Variants in STAG1 observed in about 807,000 individuals in gnomAD.
STAG1 encodes cohesin subunit SA-1.
In STAG1, 26 loss-of-function variants were observed where a neutral mutation model predicts 170.9. The observed-to-expected ratio is 0.15, with a 90% CI of 0.11 to 0.21. The LOEUF (loss-of-function observed/expected upper bound fraction) is 0.21. Ranked by LOEUF, STAG1 falls within the 10% of genes least tolerant of loss-of-function variation. The pLI is 1.00. For missense variants in STAG1, 964 were observed against 1,509.5 expected (o/e 0.64, Z 5.99); for synonymous variants, 514 against 497.7 (o/e 1.03, Z -0.44).
intron 23 of STAG1, among the ~76,000 whole-genome samples, chr3:136,374,788 G>A (rs1937518752): frequency 6.6e-6 from 1 of 152,044 alleles, no homozygotes; most frequent in African/African-American, 2.4e-5. Flanking sequence ...AATTAATTTA[G>A]TATAGTCTAA....
At chr3:136,659,437 T>G (rs1208706804) in intron 1 of STAG1, among the ~76,000 whole-genome samples, 1 of 152,210 alleles carries the variant, frequency 6.6e-6, no homozygotes, top group Non-Finnish European at 1.5e-5. Context: ...CAGCCAATCA[T>G]GTAAGCTGAG....
Position 136,344,802 on chromosome 3 carries a change from C to T in STAG1, c.3272-796G>A, listed in dbSNP as rs372276067. On this transcript the variant is annotated intron_variant, in intron 29 of 33. Coordinates refer to ENST00000383202, the MANE Select transcript of STAG1 (RefSeq NM_005862.3). Reference sequence around the variant, plus strand: ...CTCATTTTTATATTTTTAGGAGAGACGGGGTATCATTATGTTGGCCAGTCT... The same window carrying T: ...CTCATTTTTATATTTTTAGGAGAGATGGGGTATCATTATGTTGGCCAGTCT... 2.6e-5 allele frequency among the ~76,000 whole-genome samples: 4 copies of T among 151,176 alleles called. No individual in the cohort carries two copies. The East Asian group carries it at 7.8e-4, about 30-fold the overall frequency.
At chr3:136,745,539 G>C (rs192665188) in intron 1 of STAG1, among the ~76,000 whole-genome samples, 1 of 152,296 alleles carries the variant, frequency 6.6e-6, no homozygotes, top group Admixed American at 6.5e-5. Flanking sequence ...TACATCCCTT[G>C]TATGTGCAGT....
chr3:136,624,515 A>T (rs1940007322), intron 2 of STAG1, among the ~76,000 whole-genome samples: 1 of 152,222 alleles, frequency 6.6e-6, no homozygotes, highest in Non-Finnish European at 1.5e-5. Flanking sequence ...AATTATAAAG[A>T]CATTTGTTGA....
At chr3:136,493,042 T>C (rs1249034232) in intron 9 of STAG1, among the ~76,000 whole-genome samples, 1 of 152,114 alleles carries the variant, frequency 6.6e-6, no homozygotes, top group Admixed American at 6.5e-5. Flanking sequence ...AATTTTAGTT[T>C]TCAACTTAAG....
chr3:136,402,330 G>A (rs531564109), intron 21 of STAG1, among the ~76,000 whole-genome samples: 4 of 151,736 alleles, frequency 2.6e-5, no homozygotes, highest in East Asian at 2.0e-4. Context: ...TGATTCTCCC[G>A]CTTCAGCCAC....
At chr3:136,722,263 C>T (rs1933327820) in intron 1 of STAG1, among the ~76,000 whole-genome samples, 1 of 152,052 alleles carries the variant, frequency 6.6e-6, no homozygotes, top group African/African-American at 2.4e-5. Flanking sequence ...TCATAGTAGC[C>T]TCACTAAAAT....
chr3:136,652,139 A>C (rs1381546404), intron 1 of STAG1, among the ~76,000 whole-genome samples: 1 of 152,258 alleles, frequency 6.6e-6, no homozygotes, highest in African/African-American at 2.4e-5. Context: ...ATAAAAATTA[A>C]AACCTTTCAC....
chr3:136,374,211 C>T (rs1053690080), intron 23 of STAG1, among the ~76,000 whole-genome samples: 19 of 152,134 alleles, frequency 1.2e-4, no homozygotes, highest in African/African-American at 3.4e-4. Flanking sequence ...TTCCTCCATC[C>T]CTTAATTTTG....
intron 4 of STAG1, among the ~76,000 whole-genome samples, chr3:136,580,465 T>C (rs1278006673): frequency 1.3e-5 from 2 of 150,934 alleles, no homozygotes; most frequent in Non-Finnish European, 3.0e-5. Context: ...AGGCTGAATA[T>C]ACAAAGTAGG....
Position 136,427,004 on chromosome 3 carries a change from G to A in STAG1, c.1651-3960C>T, listed in dbSNP as rs191021068. Among the ~76,000 whole-genome samples, 953 of 151,544 alleles carry A rather than the reference G, an allele frequency of 6.3e-3. 10 individuals carry two copies. The highest frequency in any genetic ancestry group is 0.022 in the African/African-American group (923 of 41,278). ...GAACCCAGGAGGCGCAGCTTGCAGT[G>A]AGCCGAGATCGCGCCACCGCACTCC... On this transcript the variant is annotated intron_variant, in intron 16 of 33. Transcript: ENST00000383202.
At chr3:136,368,997 T>G in intron 24 of STAG1, 111 bp downstream of exon 24, 2 of 1,127,100 alleles carry the variant, frequency 1.8e-6, no homozygotes, top group Non-Finnish European at 2.3e-6. Flanking sequence ...GGCCAACTTT[T>G]TTAAAAGAAA....
intron 3 of STAG1, among the ~76,000 whole-genome samples, chr3:136,616,496 A>G (rs1237873341): frequency 6.6e-6 from 1 of 152,232 alleles, no homozygotes; most frequent in Non-Finnish European, 1.5e-5. Flanking sequence ...GCTTAAAAAG[A>G]AGTCCAACTA....
chr3:136,346,723 A>C (rs9832813), intron 29 of STAG1, among the ~76,000 whole-genome samples: 2 of 152,136 alleles, frequency 1.3e-5, no homozygotes, highest in African/African-American at 2.4e-5. Flanking sequence ...TGTCAAATAA[A>C]TGATTAAATG....
chr3:136,497,746 T>G (rs1013056660), intron 9 of STAG1, among the ~76,000 whole-genome samples: 11 of 151,528 alleles, frequency 7.3e-5, no homozygotes, highest in African/African-American at 2.4e-4. Flanking sequence ...TCCCAGCTAC[T>G]TGGGAGGCTG....
chr3:136,518,724 G>T (rs995167932), intron 7 of STAG1, among the ~76,000 whole-genome samples: 1 of 152,144 alleles, frequency 6.6e-6, no homozygotes, highest in East Asian at 1.9e-4. Context: ...TGAAAATTCC[G>T]TATAAACGTA....
At chr3:136,722,607 T>A (rs1372697719) in intron 1 of STAG1, among the ~76,000 whole-genome samples, 3 of 150,580 alleles carry the variant, frequency 2.0e-5, no homozygotes, top group Non-Finnish European at 1.5e-5. Flanking sequence ...TTGGAGAGCA[T>A]GACTCTCCCT....
intron 1 of STAG1, among the ~76,000 whole-genome samples, chr3:136,696,715 TAAAC>T (rs1576777786): frequency 6.6e-6 from 1 of 152,130 alleles, no homozygotes; most frequent in South Asian, 2.1e-4. Flanking sequence ...GAAGTATTAA[TAAAC>T]AAACAACATG....
intron 4 of STAG1, among the ~76,000 whole-genome samples, chr3:136,576,584 T>A (rs1937463741): frequency 6.6e-6 from 1 of 152,186 alleles, no homozygotes; most frequent in Non-Finnish European, 1.5e-5. Flanking sequence ...ATGAGGTAGT[T>A]AAAAAATAAC....
Sources: gnomAD v4.1 joint callset for allele counts (sites outside exome capture counted in the v4.1 genomes callset) on GRCh38, gnomAD v4.1.1 for gene constraint, MANE v1.5 for transcripts, NCBI Gene and HGNC (gene_info 2026-07-23, HGNC 2026-07-21) for gene names.